BLTP3A: variants seen among roughly 807,000 people sequenced by gnomAD.
BLTP3A encodes the protein bridge-like lipid transfer protein family member 3A.
At chr6:34,821,527 A>G in the BLTP3A span, 11 of 935,280 alleles carry the variant, frequency 1.2e-5, no homozygotes, top group African/African-American at 1.7e-5. Flanking sequence ...CCACTGCTTC[A>G]CTTGACTAGC....
chr6:34,834,685 C>A, the BLTP3A span: 1 of 1,598,644 alleles, frequency 6.3e-7, no homozygotes, highest in Non-Finnish European at 8.5e-7. Flanking sequence ...TAATTTCATT[C>A]ACAGGATTAA....
At chr6:34,865,509 T>A in the BLTP3A span, among the ~76,000 whole-genome samples, 2 of 152,220 alleles carry the variant, frequency 1.3e-5, no homozygotes, top group Non-Finnish European at 2.9e-5. Context: ...AACACAGGAA[T>A]GGAGATAGTT....
At chr6:34,858,199 A>G in the BLTP3A span, 11 of 1,614,038 alleles carry the variant, frequency 6.8e-6, no homozygotes, top group Non-Finnish European at 7.6e-6. Context: ...TGCGTCAGGC[A>G]TGATTGCCAC....
chr6:34,799,091 G>A, the BLTP3A span, among the ~76,000 whole-genome samples: 27 of 151,984 alleles, frequency 1.8e-4, no homozygotes, highest in Non-Finnish European at 3.2e-4. Context: ...ATAGGTGCCC[G>A]CCACCAGGCC....
the BLTP3A span, chr6:34,835,348 C>T: frequency 6.2e-7 from 1 of 1,614,138 alleles, no homozygotes; most frequent in Non-Finnish European, 8.5e-7. Context: ...GGATGACCTG[C>T]TCTGGGTGCT....
At chr6:34,856,195 A>G in the BLTP3A span, 30 of 1,589,030 alleles carry the variant, frequency 1.9e-5, no homozygotes, top group African/African-American at 5.4e-5. Context: ...TGGAACATTC[A>G]TCATGATCTT....
At chr6:34,807,101 A>G in the BLTP3A span, among the ~76,000 whole-genome samples, 1 of 152,200 alleles carries the variant, frequency 6.6e-6, no homozygotes. Flanking sequence ...GGAATCTAAT[A>G]TTTAGAGTTT....
the BLTP3A span, chr6:34,821,365 C>T: frequency 3.9e-6 from 1 of 257,806 alleles, no homozygotes; most frequent in Non-Finnish European, 7.5e-6. Flanking sequence ...AGGATGATGA[C>T]ACAATCATAA....
chr6:34,858,515 C>T, the BLTP3A span: 15 of 1,614,032 alleles, frequency 9.3e-6, no homozygotes, highest in African/African-American at 1.7e-4. Context: ...AATTTTGTAG[C>T]CCCCTTCCCC....
the BLTP3A span, among the ~76,000 whole-genome samples, chr6:34,866,706 C>T: frequency 1.3e-5 from 2 of 152,150 alleles, no homozygotes; most frequent in Non-Finnish European, 2.9e-5. Context: ...TCTTGCGAAA[C>T]AGAAACTCTG....
the BLTP3A span, chr6:34,872,661 C>A: frequency 4.5e-6 from 2 of 444,028 alleles, no homozygotes; most frequent in Non-Finnish European, 7.7e-6. Flanking sequence ...GGGGCTTGCC[C>A]TGTGTGTGGC....
chr6:34,872,236 C>T, the BLTP3A span: 1 of 1,504,502 alleles, frequency 6.6e-7, no homozygotes, highest in Non-Finnish European at 8.9e-7. Context: ...TGAACTCTTC[C>T]TCCCTGTTCC....
At chr6:34,806,675 T>A in the BLTP3A span, among the ~76,000 whole-genome samples, 1 of 152,072 alleles carries the variant, frequency 6.6e-6, no homozygotes, top group Non-Finnish European at 1.5e-5. Flanking sequence ...TCTCCCCCCC[T>A]CCCCAAGATG....
chr6:34,824,976 A>G, the BLTP3A span, among the ~76,000 whole-genome samples: 1 of 152,188 alleles, frequency 6.6e-6, no homozygotes, highest in African/African-American at 2.4e-5. Flanking sequence ...TGGCCTAAAT[A>G]CATATTTTTT....
chr6:34,875,173 C>T, the BLTP3A span: 4,883 of 152,656 alleles, frequency 0.032, 111 homozygotes, highest in South Asian at 0.053. Flanking sequence ...CCTTGCATGA[C>T]GGCCTTCTAC....
the BLTP3A span, chr6:34,871,664 G>GA: frequency 6.2e-7 from 1 of 1,614,176 alleles, no homozygotes; most frequent in Non-Finnish European, 8.5e-7. Context: ...TGCTGAAGAG[G>GA]AGTGATGATG....
At chr6:34,799,491 G>GA in the BLTP3A span, among the ~76,000 whole-genome samples, 186 of 129,934 alleles carry the variant, frequency 1.4e-3, no homozygotes, top group Middle Eastern at 0.04. Context: ...CCCTGTCTGG[G>GA]AAAAAAAAAA....
At chr6:34,858,777 G>A in the BLTP3A span, 1 of 1,614,200 alleles carries the variant, frequency 6.2e-7, no homozygotes, top group South Asian at 1.1e-5. Context: ...AAGGGCCTCT[G>A]ACAGAGCTGG....
the BLTP3A span, among the ~76,000 whole-genome samples, chr6:34,823,928 A>G: frequency 6.6e-6 from 1 of 150,416 alleles, no homozygotes; most frequent in Admixed American, 6.6e-5. Context: ...CTCAGAAACC[A>G]TATGATTCCG....
Sources: gnomAD v4.1 joint callset for allele counts (sites outside exome capture counted in the v4.1 genomes callset) on GRCh38, gnomAD v4.1.1 for gene constraint, MANE v1.5 for transcripts, NCBI Gene and HGNC (gene_info 2026-07-23, HGNC 2026-07-21) for gene names.